The following DPP10 variants were observed in gnomAD, a reference collection of about 807,000 sequenced individuals.
DPP10 encodes the protein inactive dipeptidyl peptidase 10.
DPP10 carries 33 observed loss-of-function variants against 120.9 expected under a neutral mutation model. The observed-to-expected ratio is 0.27, with a 90% confidence interval of 0.21 to 0.37. The LOEUF (loss-of-function observed/expected upper bound fraction) is 0.37, where lower values mean the gene tolerates loss of function less well. Ranked by LOEUF, DPP10 falls within the 10% of genes least tolerant of loss-of-function variation. DPP10 has a pLI of 1.00. For missense variants in DPP10, 816 were observed against 942.8 expected, an observed-to-expected ratio of 0.87 and a Z score of 1.76; for synonymous variants, 337 against 326.1, an observed-to-expected ratio of 1.03 and a Z score of -0.36.
intron 1 of DPP10, among the ~76,000 whole-genome samples, chr2:115,044,767 C>A (rs1393307551): frequency 6.6e-6 from 1 of 152,196 alleles, no homozygotes; most frequent in Non-Finnish European, 1.5e-5. Flanking sequence ...GCATCTCTCA[C>A]TACCACTACC....
intron 3 of DPP10, among the ~76,000 whole-genome samples, chr2:115,481,274 C>T (rs12990043): frequency 0.56 from 84,914 of 151,846 alleles, 25,026 homozygotes; most frequent in Non-Finnish European, 0.68. Context: ...GGAAGATCTT[C>T]TATGTCATGA....
At chr2:115,574,136 C>T (rs901357326) in intron 5 of DPP10, among the ~76,000 whole-genome samples, 13 of 152,116 alleles carry the variant, frequency 8.5e-5, no homozygotes, top group Non-Finnish European at 1.9e-4. Context: ...CTGACTTCCC[C>T]GTTTTCCCCA....
chr2:114,870,297 G>A (rs982736343), intron 1 of DPP10, among the ~76,000 whole-genome samples: 5 of 152,126 alleles, frequency 3.3e-5, no homozygotes, highest in African/African-American at 9.7e-5. Context: ...TAAGGTTTTT[G>A]TAAGAAGTAA....
intron 1 of DPP10, among the ~76,000 whole-genome samples, chr2:114,796,419 T>C (rs553412421): frequency 5.9e-5 from 9 of 152,210 alleles, no homozygotes; most frequent in Admixed American, 3.9e-4. Flanking sequence ...TTCTTCCTTA[T>C]GATTTTAACA....
intron 1 of DPP10, among the ~76,000 whole-genome samples, chr2:114,481,173 A>G (rs1365766311): frequency 6.6e-6 from 1 of 152,114 alleles, no homozygotes; most frequent in Non-Finnish European, 1.5e-5. Flanking sequence ...TTTGCAAACT[A>G]CGTATTCAAT....
chr2:115,750,176 C>T (rs111311667), intron 10 of DPP10: 11,171 of 985,260 alleles, frequency 0.011, 83 homozygotes, highest in Non-Finnish European at 0.013. Flanking sequence ...GGCAGGCCAA[C>T]GAGTGTGACA....
At chr2:114,497,167 G>A (rs924977314) in intron 1 of DPP10, among the ~76,000 whole-genome samples, 13 of 148,294 alleles carry the variant, frequency 8.8e-5, no homozygotes, top group Non-Finnish European at 1.6e-4. Flanking sequence ...AGGTGTACAC[G>A]TGTATACATG....
At chr2:115,500,660 A>T (rs1306234234) in intron 4 of DPP10, among the ~76,000 whole-genome samples, 1 of 152,028 alleles carries the variant, frequency 6.6e-6, no homozygotes, top group African/African-American at 2.4e-5. Context: ...CAGCCAGAAG[A>T]AAAATAATGA....
At chr2:115,689,992 TG>T (rs1322077365) in intron 7 of DPP10, 71 bp downstream of exon 7, 4 of 1,478,048 alleles carry the variant, frequency 2.7e-6, no homozygotes, top group Admixed American at 4.3e-5. Flanking sequence ...ACTGAAACTT[TG>T]GAAAAACCAT....
At chr2:115,272,021 A>T (rs1340223909) in intron 1 of DPP10, among the ~76,000 whole-genome samples, 2 of 152,230 alleles carry the variant, frequency 1.3e-5, no homozygotes, top group African/African-American at 4.8e-5. Flanking sequence ...CATTAGTTAT[A>T]TTCACATTCT....
At chr2:115,741,088 C>T (rs1429572302) in intron 9 of DPP10, among the ~76,000 whole-genome samples, 3 of 152,094 alleles carry the variant, frequency 2.0e-5, no homozygotes, top group Non-Finnish European at 4.4e-5. Flanking sequence ...TTACACTTTC[C>T]TTCTGTTCCC....
At chr2:114,676,616 G>A (rs1402199757) in intron 1 of DPP10, among the ~76,000 whole-genome samples, 1 of 152,046 alleles carries the variant, frequency 6.6e-6, no homozygotes, top group African/African-American at 2.4e-5. Context: ...GGAGATCGCT[G>A]TATGTCAGAT....
chr2:115,487,112 T>A (rs1265751059), intron 3 of DPP10, among the ~76,000 whole-genome samples: 1 of 151,812 alleles, frequency 6.6e-6, no homozygotes, highest in East Asian at 1.9e-4. Flanking sequence ...AAATCATGAG[T>A]GAACTCCCAT....
chr2:115,309,676 G>T (rs1304486316), intron 2 of DPP10, among the ~76,000 whole-genome samples: 2 of 152,032 alleles, frequency 1.3e-5, no homozygotes, highest in Non-Finnish European at 2.9e-5. Context: ...TTTATTGTGG[G>T]TTGAAGATGA....
intron 3 of DPP10, among the ~76,000 whole-genome samples, chr2:115,498,930 G>A (rs2076544537): frequency 6.6e-6 from 1 of 151,932 alleles, no homozygotes; most frequent in Non-Finnish European, 1.5e-5. Flanking sequence ...TTCATTCATT[G>A]ATATAGTAGT....
At chr2:115,398,180 T>A (rs2067820200) in intron 3 of DPP10, among the ~76,000 whole-genome samples, 1 of 152,114 alleles carries the variant, frequency 6.6e-6, no homozygotes. Flanking sequence ...ATGACTTTTT[T>A]TTTTTTCCTT....
chr2:114,817,404 A>G (rs1317708384), intron 1 of DPP10, among the ~76,000 whole-genome samples: 2 of 152,138 alleles, frequency 1.3e-5, no homozygotes, highest in Non-Finnish European at 2.9e-5. Flanking sequence ...TAAAGAAACC[A>G]TTCAGGAGAT....
chr2:115,715,609 C>A (rs2092468180), intron 7 of DPP10, among the ~76,000 whole-genome samples: 1 of 152,164 alleles, frequency 6.6e-6, no homozygotes, highest in African/African-American at 2.4e-5. Flanking sequence ...GCAACAGGGG[C>A]TGTGACTTAG....
intron 1 of DPP10, among the ~76,000 whole-genome samples, chr2:115,278,567 G>A (rs1206804929): frequency 3.9e-5 from 6 of 152,020 alleles, no homozygotes; most frequent in African/African-American, 1.2e-4. Context: ...CTTCTGGTGA[G>A]GGCCTCAGGC....
Sources: gnomAD v4.1 joint callset for allele counts (sites outside exome capture counted in the v4.1 genomes callset) on GRCh38, gnomAD v4.1.1 for gene constraint, MANE v1.5 for transcripts, NCBI Gene and HGNC (gene_info 2026-07-23, HGNC 2026-07-21) for gene names.